The following HTR3C variants were observed in gnomAD, a reference collection of about 807,000 sequenced individuals.
HTR3C encodes 5-hydroxytryptamine receptor 3C, also known as 5-HT3-C.
Under a neutral mutation model 40.5 loss-of-function variants are expected in HTR3C, and 32 were observed. The ratio of observed to expected loss-of-function variants is 0.79; its 90% CI spans 0.60 to 1.06. HTR3C has a LOEUF of 1.06. Ranked by LOEUF, HTR3C falls within the 50% of genes least tolerant of loss-of-function variation. The probability of loss-of-function intolerance (pLI) is 0.00; values close to 1 mark genes in which losing one functional copy is unlikely to be tolerated. For missense variants in HTR3C, 523 were observed against 556.8 expected (o/e 0.94, Z 0.61); for synonymous variants, 209 against 217.1 (o/e 0.96, Z 0.33).
rs190718082 is a variant in HTR3C, at chr3:184,054,631, T to C, written c.68-90T>C. ...TGGGAAGGAGGGGCTCACCTGCTCC[T>C]CTCAGTACGTCCCCTATTTTATCTC... On this transcript the variant is annotated intron_variant, in intron 1 of 8. Transcript: ENST00000318351. The C allele has an allele frequency of 9.5e-6, 11 of 1,159,366 alleles. No individual in the cohort carries two copies. In the Admixed American group the frequency reaches 2.9e-4, roughly 31 times the overall value. 71.8% of individuals were successfully genotyped at this position (1,159,366 alleles called of 1,614,324 possible).
At position 184,060,372 on chromosome 3, in the gene HTR3C, G is replaced by A. The variant is rs917968875; in HGVS notation, c.*20G>A. On this transcript the variant is annotated 3_prime_UTR_variant, in exon 9 of 9. Transcript: ENST00000318351. ...ACCTAGGCAGACATCCCCCCTCTCT[G>A]GCAAACAACAGCTTGGAGTTTCTGC... 1.2e-6 allele frequency: 2 copies of A among 1,613,916 alleles called. No homozygotes were observed. The highest frequency in any genetic ancestry group is 1.7e-6 in the Non-Finnish European group (2 of 1,179,884).
Position 184,054,761 on chromosome 3 carries a change from C to A in HTR3C, c.108C>A (p.Asp36Glu), listed in dbSNP as rs556123858. Reference protein sequence around the residue: ...DAFTINCSGFDQHGVDPAVFQ... With the variant: ...DAFTINCSGFEQHGVDPAVFQ... ...TTACCATCAATTGCTCAGGCTTTGA[C>A]CAGCATGGGGTTGACCCTGCTGTCT... Residue 36 changes from aspartate to glutamate, a missense_variant, in exon 2 of 9, where the codon GAC becomes GAA. By Grantham distance (45) the Asp-to-Glu change is conservative. Coordinates refer to ENST00000318351, the MANE Select transcript of HTR3C (RefSeq NM_130770.3). The A allele has an allele frequency of 2.6e-5, 42 of 1,610,674 alleles. 1 individual carries two copies. The South Asian group carries it at 4.3e-4, about 17-fold the overall frequency.
Position 184,060,028 on chromosome 3 carries a change from C to A in HTR3C, c.1126C>A (p.Leu376Ile), listed in dbSNP as rs1210188593. The change falls in exon 8 of 9, where the codon CTC (leucine) becomes ATC (isoleucine). Residue 376 changes from leucine to isoleucine, a missense_variant. Physicochemically the swap from Leu to Ile is conservative, Grantham distance 5. Transcript: ENST00000318351. ...QKGNKGLGLT[L>I]THLPGPKEPG... Reference sequence around the variant, plus strand: ...GGGAAATAAGGGCCTGGGTCTCACCCTCACCCACCTGCCTGGTGAGGGAAG... The same window carrying A: ...GGGAAATAAGGGCCTGGGTCTCACCATCACCCACCTGCCTGGTGAGGGAAG... The A allele has an allele frequency of 6.2e-7, 1 of 1,613,624 alleles. No homozygotes were observed.
chr3:184,056,798 A>G, intron 4 of HTR3C, 77 bp from the exon 5 acceptor site: 6 of 1,272,114 alleles, frequency 4.7e-6, no homozygotes, highest in Non-Finnish European at 6.4e-6. Flanking sequence ...GAAGGAGAGC[A>G]CAGCAGGGGA....
At chr3:184,059,032 C>T (rs1723387533) in intron 6 of HTR3C, among the ~76,000 whole-genome samples, 1 of 152,160 alleles carries the variant, frequency 6.6e-6, no homozygotes, top group African/African-American at 2.4e-5. Flanking sequence ...ACTGCCCCAT[C>T]TACCTAATTG....
chr3:184,055,884 C>CAA (rs71185686), intron 3 of HTR3C, among the ~76,000 whole-genome samples: 6,950 of 30,614 alleles, frequency 0.23, 2,146 homozygotes, highest in East Asian at 0.53. Context: ...AATAGCAACT[C>CAA]AAAAAAAAAA....
At position 184,057,613 on chromosome 3, in the gene HTR3C, A is replaced by C. The variant is rs866350123; in HGVS notation, c.559+569A>C. 2.6e-5 allele frequency among the ~76,000 whole-genome samples: 4 copies of C among 152,252 alleles called. 1 individual carries two copies. Among genetic ancestry groups the C allele is most frequent in the Middle Eastern group, 6.8e-3 (2 of 294 alleles). On this transcript the variant is annotated intron_variant, in intron 5 of 8. Coordinates refer to ENST00000318351, the MANE Select transcript of HTR3C (RefSeq NM_130770.3). ...GCCTGGCCTGGTGGTGGGCGCCTGTAGTCCCAGCTACTTGGGAAGCTGAGG... is the reference window on the plus strand; with the variant it reads ...GCCTGGCCTGGTGGTGGGCGCCTGTCGTCCCAGCTACTTGGGAAGCTGAGG...
intron 2 of HTR3C, among the ~76,000 whole-genome samples, 179 bp from the exon 3 acceptor site, chr3:184,055,126 AGTAGTCT>A (rs1723298590): frequency 6.6e-6 from 1 of 152,220 alleles, no homozygotes; most frequent in Non-Finnish European, 1.5e-5. Context: ...TCTAGAAAAA[AGTAGTCT>A]GTATATTAAT....
At position 184,060,484 on chromosome 3, in the gene HTR3C, C is replaced by A; in HGVS notation, c.*132C>A. 2 of 1,173,124 alleles carry A rather than the reference C, an allele frequency of 1.7e-6. No homozygotes were observed. Among genetic ancestry groups the A allele is most frequent in the Non-Finnish European group, 2.5e-6 (2 of 806,106 alleles). The allele number at this position is 1,173,124 out of a possible 1,614,324, so 72.7% of individuals were successfully genotyped here. ...TGTCCCCTTCTAAATTCCAAAGACTCCAACGCAGCACTAGCAAGCAGGTTC... is the reference window on the plus strand; with the variant it reads ...TGTCCCCTTCTAAATTCCAAAGACTACAACGCAGCACTAGCAAGCAGGTTC... On this transcript the variant is annotated 3_prime_UTR_variant, in exon 9 of 9. Coordinates refer to ENST00000318351, the MANE Select transcript of HTR3C (RefSeq NM_130770.3).
Position 184,056,209 on chromosome 3 carries a change from A to C in HTR3C, c.312A>C (p.Pro104=). 6.2e-7 allele frequency: 1 copy of C among 1,613,778 alleles called. No individual in the cohort carries two copies. The highest frequency in any genetic ancestry group is 8.5e-7 in the Non-Finnish European group (1 of 1,179,662). ...ACAATCCTTTCATTAATTGGAACCCAAAAGAGTGTGTTGGCATCAATAAAC... is the reference window on the plus strand; with the variant it reads ...ACAATCCTTTCATTAATTGGAACCCCAAAGAGTGTGTTGGCATCAATAAAC... ...VWDNPFINWN[P]KECVGINKLT... Residue 104 remains proline (P), a synonymous_variant, in exon 4 of 9, where the codon CCA becomes CCC. Coordinates refer to ENST00000318351, the MANE Select transcript of HTR3C (RefSeq NM_130770.3).
At position 184,053,050 on chromosome 3, in the gene HTR3C, T is replaced by C. The variant is rs761283469; in HGVS notation, c.-31T>C. On this transcript the variant is annotated 5_prime_UTR_variant, in exon 1 of 9. Transcript: ENST00000318351. ...AGCTCCAGGGTTTGGGAGCTCCTGG[T>C]GAATCCCCAGAGAAGAGTCCAGAAA... The C allele has an allele frequency of 6.3e-7, 1 of 1,583,278 alleles. No homozygotes were observed. Among genetic ancestry groups the C allele is most frequent in the Middle Eastern group, 1.7e-4 (1 of 6,014 alleles).
intron 1 of HTR3C, 67 bp from the exon 2 acceptor site, chr3:184,054,654 C>G: frequency 7.4e-7 from 1 of 1,357,620 alleles, no homozygotes; most frequent in Non-Finnish European, 9.9e-7. Flanking sequence ...CCTATTTTAT[C>G]TCTCTGCAGA....
At chr3:184,056,810 A>G in intron 4 of HTR3C, 65 bp from the exon 5 acceptor site, 1 of 1,409,156 alleles carries the variant, frequency 7.1e-7, no homozygotes, top group South Asian at 1.5e-5. Context: ...AGCAGGGGAG[A>G]CCCCAGAAGG....
chr3:184,057,854 G>A (rs1723360949), intron 5 of HTR3C, among the ~76,000 whole-genome samples: 1 of 152,196 alleles, frequency 6.6e-6, no homozygotes, highest in South Asian at 2.1e-4. Context: ...CGTGCAGACG[G>A]GGTTACGACC....
chr3:184,058,053 A>ATT (rs1723365670), intron 5 of HTR3C, among the ~76,000 whole-genome samples: 4 of 152,270 alleles, frequency 2.6e-5, no homozygotes, highest in African/African-American at 9.6e-5. Flanking sequence ...AAACCATCAA[A>ATT]ATGGGCATGC....
intron 3 of HTR3C, 69 bp from the exon 4 acceptor site, chr3:184,056,107 GA>G: frequency 1.1e-6 from 1 of 947,592 alleles, no homozygotes; most frequent in East Asian, 2.4e-5. Context: ...AAGAAGAATG[GA>G]AAGGGTGGGA....
At chr3:184,053,271 C>A in intron 1 of HTR3C, 124 bp downstream of exon 1, 1 of 710,766 alleles carries the variant, frequency 1.4e-6, no homozygotes, top group Admixed American at 2.3e-5. Flanking sequence ...TGTCTGTGTC[C>A]TGATTTCCTT....
At chr3:184,055,649 G>A (rs1004735885) in intron 3 of HTR3C, among the ~76,000 whole-genome samples, 1 of 151,860 alleles carries the variant, frequency 6.6e-6, no homozygotes, top group Middle Eastern at 3.4e-3. Context: ...GGGAGGCAGA[G>A]GTTGCAGAGA....
chr3:184,060,157 G>C lies in HTR3C; in HGVS notation c.1149G>C (p.Lys383Asn). The C allele has an allele frequency of 3.7e-6, 6 of 1,613,870 alleles. No individual in the cohort carries two copies. The highest frequency in any genetic ancestry group is 5.1e-6 in the Non-Finnish European group (6 of 1,179,898). The change falls in exon 9 of 9, where the codon AAG becomes AAC. Residue 383 changes from lysine to asparagine, a missense_variant. Physicochemically the swap from Lys to Asn is moderately conservative, Grantham distance 94. Coordinates refer to ENST00000318351, the MANE Select transcript of HTR3C (RefSeq NM_130770.3). The stretch of plus-strand genomic sequence containing the variant: ...CCTCTGTCCTCTCCACAGGCCCAAA[G>C]GAGCCGGGGGAGTTAGCAGGGAAGA... ...GLTLTHLPGP[K>N]EPGELAGKKL... is the part of the protein sequence containing the mutation.
Sources: gnomAD v4.1 joint callset for allele counts (sites outside exome capture counted in the v4.1 genomes callset) on GRCh38, gnomAD v4.1.1 for gene constraint, MANE v1.5 for transcripts, NCBI Gene and HGNC (gene_info 2026-07-23, HGNC 2026-07-21) for gene names.